Variants in LRRC4C observed in about 807,000 individuals in gnomAD.
LRRC4C encodes the protein leucine-rich repeat-containing protein 4C.
A neutral mutation model predicts 33.6 loss-of-function variants in LRRC4C; 5 were observed. The ratio of observed to expected loss-of-function variants is 0.15; its 90% CI spans 0.08 to 0.31. LRRC4C has a LOEUF of 0.31. Among genes scored for constraint, LRRC4C ranks in the 10% least tolerant of loss-of-function variants. LRRC4C has a pLI of 1.00. For missense variants in LRRC4C, 560 were observed against 796.7 expected, an observed-to-expected ratio of 0.70 and a Z score of 3.58; for synonymous variants, 329 against 302.0, an observed-to-expected ratio of 1.09 and a Z score of -0.93.
chr11:41,275,195 A>G (rs1189635561), intron 1 of LRRC4C, among the ~76,000 whole-genome samples: 1 of 152,148 alleles, frequency 6.6e-6, no homozygotes, highest in South Asian at 2.1e-4. Flanking sequence ...CATGCCTGTG[A>G]AGCCTACAGA....
intron 2 of LRRC4C, among the ~76,000 whole-genome samples, chr11:40,927,441 C>T (rs1232731564): frequency 6.6e-6 from 1 of 150,420 alleles, no homozygotes; most frequent in African/African-American, 2.4e-5. Context: ...CTAAAGATAA[C>T]AAAATATGTA....
intron 1 of LRRC4C, among the ~76,000 whole-genome samples, chr11:41,017,347 T>C (rs1272548377): frequency 6.6e-6 from 1 of 152,200 alleles, no homozygotes; most frequent in Non-Finnish European, 1.5e-5. Flanking sequence ...TTCAAGGTTG[T>C]GAAGCTTTTA....
At chr11:40,872,884 G>A (rs1954717899) in intron 2 of LRRC4C, among the ~76,000 whole-genome samples, 1 of 152,082 alleles carries the variant, frequency 6.6e-6, no homozygotes, top group South Asian at 2.1e-4. Context: ...TTTAATTGAT[G>A]TTATCTTTCT....
At chr11:40,664,457 A>C (rs942508751) in intron 2 of LRRC4C, among the ~76,000 whole-genome samples, 3 of 152,110 alleles carry the variant, frequency 2.0e-5, no homozygotes, top group African/African-American at 7.2e-5. Context: ...AGGCAGGAGA[A>C]TCGCTTGAAC....
intron 1 of LRRC4C, among the ~76,000 whole-genome samples, chr11:41,118,490 T>C (rs1020651574): frequency 3.1e-4 from 47 of 152,176 alleles, no homozygotes; most frequent in African/African-American, 1.1e-3. Context: ...AAAATTATCT[T>C]TTACTTAGGT....
At chr11:40,402,637 A>G (rs1389617200) in intron 3 of LRRC4C, among the ~76,000 whole-genome samples, 1 of 152,104 alleles carries the variant, frequency 6.6e-6, no homozygotes, top group Non-Finnish European at 1.5e-5. Flanking sequence ...TCATTTCTAT[A>G]TATTCTCCCC....
chr11:41,136,932 T>C (rs979818398), intron 1 of LRRC4C, among the ~76,000 whole-genome samples: 1 of 152,016 alleles, frequency 6.6e-6, no homozygotes, highest in African/African-American at 2.4e-5. Flanking sequence ...TTGGTAAAAG[T>C]GTTTGGTTTC....
At chr11:40,183,110 TA>T (rs1222970074) in intron 5 of LRRC4C, among the ~76,000 whole-genome samples, 1 of 152,218 alleles carries the variant, frequency 6.6e-6, no homozygotes, top group East Asian at 1.9e-4. Context: ...AGAGATTTTT[TA>T]AAAAAATGTA....
chr11:40,262,062 A>C (rs1157016170), intron 4 of LRRC4C, among the ~76,000 whole-genome samples: 1 of 152,186 alleles, frequency 6.6e-6, no homozygotes, highest in African/African-American at 2.4e-5. Context: ...AATGGGAGAA[A>C]ATTTTTGCAA....
intron 2 of LRRC4C, among the ~76,000 whole-genome samples, chr11:40,730,694 G>A (rs1591571429): frequency 6.6e-6 from 1 of 152,150 alleles, no homozygotes; most frequent in East Asian, 1.9e-4. Context: ...TATAACATTT[G>A]AAAGAAAAAA....
chr11:41,014,788 G>A (rs933066950), intron 1 of LRRC4C, among the ~76,000 whole-genome samples: 6 of 152,074 alleles, frequency 3.9e-5, no homozygotes, highest in Admixed American at 3.9e-4. Flanking sequence ...TCTCCTCGGT[G>A]GGACTTTCAG....
chr11:40,775,142 G>A (rs1422226908), intron 2 of LRRC4C, among the ~76,000 whole-genome samples: 1 of 152,072 alleles, frequency 6.6e-6, no homozygotes, highest in African/African-American at 2.4e-5. Context: ...CAGGTGCAGT[G>A]GCTCACACCT....
At chr11:40,931,378 T>C (rs1274781103) in intron 2 of LRRC4C, among the ~76,000 whole-genome samples, 5 of 152,172 alleles carry the variant, frequency 3.3e-5, no homozygotes, top group Non-Finnish European at 5.9e-5. Context: ...GTTTATATAG[T>C]TACAACCAAT....
intron 3 of LRRC4C, among the ~76,000 whole-genome samples, chr11:40,633,323 C>CT (rs1358266395): frequency 1.1e-5 from 1 of 92,270 alleles, no homozygotes; most frequent in African/African-American, 3.7e-5. Context: ...GCCAAGTTTT[C>CT]TTTTTCTTTC....
At chr11:41,076,498 G>A (rs1939159816) in intron 1 of LRRC4C, among the ~76,000 whole-genome samples, 1 of 152,172 alleles carries the variant, frequency 6.6e-6, no homozygotes. Flanking sequence ...AGTGAAGTGG[G>A]AGGTGCTACA....
At chr11:40,559,549 G>C (rs1957466150) in intron 3 of LRRC4C, among the ~76,000 whole-genome samples, 1 of 152,060 alleles carries the variant, frequency 6.6e-6, no homozygotes, top group Admixed American at 6.5e-5. Context: ...TGGAATTGCT[G>C]GGTGGGATGG....
intron 3 of LRRC4C, among the ~76,000 whole-genome samples, chr11:40,379,788 C>T (rs1590526389): frequency 6.6e-6 from 1 of 152,150 alleles, no homozygotes; most frequent in East Asian, 1.9e-4. Flanking sequence ...TTTTATGTGT[C>T]AGTTGATACA....
chr11:41,110,070 A>C (rs1320112635), intron 1 of LRRC4C, among the ~76,000 whole-genome samples: 3 of 151,910 alleles, frequency 2.0e-5, no homozygotes, highest in Non-Finnish European at 4.4e-5. Flanking sequence ...CCACTATTTT[A>C]TTGCTCCATG....
At chr11:40,634,720 T>TCAA (rs112196417) in intron 3 of LRRC4C, among the ~76,000 whole-genome samples, 2 of 145,782 alleles carry the variant, frequency 1.4e-5, no homozygotes, top group African/African-American at 5.1e-5. Flanking sequence ...AATAAGAAAA[T>TCAA]AAAAAAAAAA....
Sources: gnomAD v4.1 joint callset for allele counts (sites outside exome capture counted in the v4.1 genomes callset) on GRCh38, gnomAD v4.1.1 for gene constraint, MANE v1.5 for transcripts, NCBI Gene and HGNC (gene_info 2026-07-23, HGNC 2026-07-21) for gene names.